Variants in CFAP221 observed in about 807,000 individuals in gnomAD.
CFAP221 encodes the protein cilia and flagella associated protein 221, also known as cilia- and flagella-associated protein 221.
In CFAP221, 97 loss-of-function variants were observed where a neutral mutation model predicts 113.1. The observed-to-expected ratio is 0.86, with a 90% CI of 0.73 to 1.02. The LOEUF is 1.02. CFAP221 is among the 50% of genes least tolerant of loss of function. CFAP221 has a pLI of 0.00. For synonymous variants in CFAP221, 331 were observed against 354.4 expected (o/e 0.93, Z 0.74); for missense variants, 1,025 against 1,013.4 (o/e 1.01, Z -0.16).
At chr2:119,631,976 C>CAA (rs1343737971) in intron 19 of CFAP221, among the ~76,000 whole-genome samples, 3 of 152,076 alleles carry the variant, frequency 2.0e-5, no homozygotes, top group Admixed American at 2.0e-4. Context: ...GATAAATAGC[C>CAA]AAAATAGCTT....
At chr2:119,647,833 C>T (rs1247493665) in intron 22 of CFAP221, among the ~76,000 whole-genome samples, 1 of 152,174 alleles carries the variant, frequency 6.6e-6, no homozygotes, top group Non-Finnish European at 1.5e-5. Context: ...GTTTAATTAA[C>T]CAACATAGCA....
intron 19 of CFAP221, among the ~76,000 whole-genome samples, chr2:119,634,893 G>A (rs754762270): frequency 8.5e-5 from 13 of 152,084 alleles, no homozygotes; most frequent in Admixed American, 2.0e-4. Context: ...CACAATCTGC[G>A]GTACAACATC....
Position 119,549,178 on chromosome 2 carries a change from A to G in CFAP221, c.233A>G (p.Gln78Arg), listed in dbSNP as rs1169116941. The G allele has an allele frequency of 3.3e-6, 5 of 1,528,644 alleles. No homozygotes were observed. 94.7% of individuals were successfully genotyped at this position (1,528,644 alleles called of 1,614,324 possible). ...TATCAAGTAGAAAAACAACACCAAC[A>G]GATTCTGGTAGGTACTTTTTAAATG... ...GGYQVEKQHQ[Q>R]ILHLVNVSNE... Residue 78 changes from glutamine (Q) to arginine (R), a missense_variant, in exon 3 of 24, where the codon CAG becomes CGG. Transcript: ENST00000413369.
At chr2:119,552,779 TTC>T (rs1317623054) in intron 3 of CFAP221, among the ~76,000 whole-genome samples, 6 of 97,662 alleles carry the variant, frequency 6.1e-5, no homozygotes, top group Non-Finnish European at 8.3e-5. Context: ...ATAGAAATAT[TTC>T]TTTCTTTAAT....
chr2:119,630,640 C>T lies in CFAP221; in HGVS notation c.1802C>T (p.Pro601Leu), dbSNP rs1686705194. The change falls in exon 18 of 24, where the codon CCT becomes CTT. Residue 601 changes from proline (P) to leucine (L), a missense_variant. By Grantham distance (98) the Pro-to-Leu change is moderately conservative. Transcript: ENST00000413369. ...CACAAGTCTTCAACAAGTTACAGACCTCAAAAGCTTGCCCGAGCCCTAAAG... is the reference window on the plus strand; with the variant it reads ...CACAAGTCTTCAACAAGTTACAGACTTCAAAAGCTTGCCCGAGCCCTAAAG... ...SVHKSSTSYR[P>L]QKLARALKQG... The T allele has an allele frequency of 6.2e-7, 1 of 1,613,930 alleles. No individual in the cohort carries two copies. The highest frequency in any genetic ancestry group is 8.5e-7 in the Non-Finnish European group (1 of 1,179,816).
At chr2:119,567,505 C>T (rs956224527) in intron 6 of CFAP221, among the ~76,000 whole-genome samples, 4 of 152,276 alleles carry the variant, frequency 2.6e-5, no homozygotes, top group African/African-American at 9.6e-5. Flanking sequence ...CTACAGTTTA[C>T]TTATTCATCC....
chr2:119,643,469 T>G (rs1309086624), intron 21 of CFAP221, among the ~76,000 whole-genome samples: 1 of 152,222 alleles, frequency 6.6e-6, no homozygotes, highest in African/African-American at 2.4e-5. Context: ...ATTTCATAGA[T>G]GAGTGAAATG....
At chr2:119,589,883 C>T (rs761074054) in intron 7 of CFAP221, 1 of 152,156 alleles carries the variant, frequency 6.6e-6, no homozygotes, top group Non-Finnish European at 1.5e-5. Flanking sequence ...GCAACCAAAA[C>T]TTCAAGAACA....
Position 119,601,189 on chromosome 2 carries a change from A to G in CFAP221, c.632-29A>G, listed in dbSNP as rs1457345363. 8 of 1,497,166 alleles carry G rather than the reference A, an allele frequency of 5.3e-6. No homozygotes were observed. In the Admixed American group the frequency reaches 6.1e-5, roughly 11 times the overall value. 92.7% of individuals were successfully genotyped at this position (1,497,166 alleles called of 1,614,324 possible). On this transcript the variant is annotated intron_variant, in intron 7 of 23. Transcript: ENST00000413369. ...ACTGGACTTGGCAAGAAGAGAGGGT[A>G]TCACATTTTCTCATTTCTTTCCTCT...
intron 11 of CFAP221, among the ~76,000 whole-genome samples, chr2:119,607,799 A>G (rs1378489384): frequency 6.6e-6 from 1 of 152,206 alleles, no homozygotes; most frequent in African/African-American, 2.4e-5. Context: ...TCCACTTAAC[A>G]TGTTTTTAAG....
intron 21 of CFAP221, 76 bp from the exon 22 acceptor site, chr2:119,646,882 C>A (rs1687843622): frequency 1.5e-6 from 2 of 1,340,054 alleles, no homozygotes; most frequent in South Asian, 1.3e-5. Context: ...AATAAAAATT[C>A]TTTAGAAAAT....
Position 119,562,068 on chromosome 2 carries a change from G to C in CFAP221, c.481G>C (p.Asp161His), listed in dbSNP as rs1216590137. 6.5e-7 allele frequency: 1 copy of C among 1,535,168 alleles called. No homozygotes were observed. The highest frequency in any genetic ancestry group is 8.7e-7 in the Non-Finnish European group (1 of 1,146,618). ...TGCCTATCCAGTCATGAACTCACTA[G>C]ACTTTCCTTCATTTATAAATCTGTC... ...IHAYPVMNSL[D>H]FPSFINLSNV... The change falls in exon 6 of 24, where the codon GAC (aspartate) becomes CAC (histidine). Residue 161 changes from aspartate (D) to histidine (H), a missense_variant. Transcript: ENST00000413369.
chr2:119,602,020 A>G (rs1230353581), intron 8 of CFAP221, among the ~76,000 whole-genome samples: 4 of 152,208 alleles, frequency 2.6e-5, no homozygotes, highest in Admixed American at 6.5e-5. Flanking sequence ...ATGAGCTTGT[A>G]CTTTTACATG....
Position 119,562,032 on chromosome 2 carries a change from G to A in CFAP221, c.445G>A (p.Val149Ile), listed in dbSNP as rs1227571781. 6.5e-6 allele frequency: 10 copies of A among 1,534,348 alleles called. No homozygotes were observed. The East Asian group carries it at 1.5e-4, about 23-fold the overall frequency. ...ATTTTAGGGAGATGACACTTTGCTT[G>A]TTCCTATTCATGCCTATCCAGTCAT... ...VHCKGDDTLL[V>I]PIHAYPVMNS... The change falls in exon 6 of 24, where the codon GTT becomes ATT. Residue 149 changes from valine to isoleucine, a missense_variant. Val to Ile is a conservative substitution (Grantham distance 29). Transcript: ENST00000413369.
chr2:119,609,988 G>A (rs1393559506), intron 12 of CFAP221, among the ~76,000 whole-genome samples: 1 of 152,186 alleles, frequency 6.6e-6, no homozygotes, highest in Non-Finnish European at 1.5e-5. Flanking sequence ...CATATTAGAT[G>A]TGCATTTAAA....
intron 6 of CFAP221, among the ~76,000 whole-genome samples, chr2:119,583,586 A>G (rs560200689): frequency 3.9e-4 from 59 of 152,314 alleles, no homozygotes; most frequent in African/African-American, 1.4e-3. Flanking sequence ...GCAATACACT[A>G]GTAATAAAGA....
intron 7 of CFAP221, among the ~76,000 whole-genome samples, chr2:119,596,944 C>T (rs180717699): frequency 1.2e-4 from 18 of 152,338 alleles, no homozygotes; most frequent in Admixed American, 3.3e-4. Context: ...AAAGGAAGAC[C>T]TAGTGCTTTG....
chr2:119,628,184 G>A (rs1686477299), intron 16 of CFAP221, among the ~76,000 whole-genome samples: 1 of 152,160 alleles, frequency 6.6e-6, no homozygotes, highest in South Asian at 2.1e-4. Flanking sequence ...TCAGGGAAGG[G>A]CAGCCCTCAA....
At chr2:119,650,754 G>T (rs1376806547) in intron 22 of CFAP221, among the ~76,000 whole-genome samples, 2 of 152,218 alleles carry the variant, frequency 1.3e-5, no homozygotes, top group African/African-American at 4.8e-5. Context: ...CAAAGCGCCA[G>T]CATAGTGATT....
Sources: gnomAD v4.1 joint callset for allele counts (sites outside exome capture counted in the v4.1 genomes callset) on GRCh38, gnomAD v4.1.1 for gene constraint, MANE v1.5 for transcripts, NCBI Gene and HGNC (gene_info 2026-07-23, HGNC 2026-07-21) for gene names.